The following HDAC8 variants were observed in gnomAD, a reference collection of about 807,000 sequenced individuals.
The protein encoded by HDAC8 is histone deacetylase 8, also known as histone deacetylase-like 1.
Under a neutral mutation model 32.2 loss-of-function variants are expected in HDAC8, and 1 was observed. The ratio of observed to expected loss-of-function variants is 0.03; its 90% CI spans 0.01 to 0.15. The LOEUF (loss-of-function observed/expected upper bound fraction) is 0.15, where lower values mean the gene tolerates loss of function less well. HDAC8 is among the 10% of genes least tolerant of loss of function. HDAC8 has a pLI of 1.00. For missense variants in HDAC8, 117 were observed against 300.0 expected (o/e 0.39, Z 4.51); for synonymous variants, 108 against 113.9 (o/e 0.95, Z 0.33).
At position 72,481,359 on chromosome X, in the gene HDAC8, G is replaced by A. The variant is rs932666810; in HGVS notation, c.737+7574C>T. Among the ~76,000 whole-genome samples the A allele has an allele frequency of 6.3e-5, 7 of 111,650 alleles. 1 individual carries two copies. The highest frequency in any genetic ancestry group is 2.3e-4 in the African/African-American group (7 of 30,682). On this transcript the variant is annotated intron_variant, in intron 7 of 10. Coordinates refer to ENST00000373573, the MANE Select transcript of HDAC8 (RefSeq NM_018486.3). ...TTACAATTCAAGATGAGATTTGGGT[G>A]GGGACACAAAGCTAGACCATATCAG...
At chrX:72,332,006 A>G (rs2043538944) in intron 10 of HDAC8, among the ~76,000 whole-genome samples, 1 of 112,520 alleles carries the variant, frequency 8.9e-6, no homozygotes, top group South Asian at 3.7e-4. Flanking sequence ...CATTTTGAGA[A>G]TGTTATAGAA....
chrX:72,462,806 C>T (rs1203595032), intron 8 of HDAC8, among the ~76,000 whole-genome samples: 1 of 111,547 alleles, frequency 9.0e-6, no homozygotes, highest in Non-Finnish European at 1.9e-5. Context: ...AGAACATTGG[C>T]CTTTAGCTAA....
chrX:72,402,070 G>A (rs1474503651), intron 9 of HDAC8, among the ~76,000 whole-genome samples: 1 of 111,335 alleles, frequency 9.0e-6, no homozygotes, highest in Admixed American at 9.6e-5. Context: ...TTTTCTTCTT[G>A]AGTCTTAAGT....
At chrX:72,348,015 C>T (rs1453129850) in intron 10 of HDAC8, among the ~76,000 whole-genome samples, 1 of 111,893 alleles carries the variant, frequency 8.9e-6, no homozygotes, top group Admixed American at 9.4e-5. Context: ...TTTGCCTGTC[C>T]CTTCAGTCAT....
chrX:72,461,979 G>C, intron 9 of HDAC8, 25 bp downstream of exon 9: 2 of 1,110,096 alleles, frequency 1.8e-6, no homozygotes, highest in East Asian at 3.0e-5. Context: ...TTAAAGAAGA[G>C]AGGACTTGTC....
intron 2 of HDAC8, among the ~76,000 whole-genome samples, chrX:72,569,582 G>A (rs1366116295): frequency 8.9e-6 from 1 of 112,467 alleles, no homozygotes; most frequent in Non-Finnish European, 1.9e-5. Context: ...CTGCCTCTGA[G>A]AGCGAGGCGA....
intron 3 of HDAC8, 121 bp downstream of exon 3, chrX:72,568,633 C>T: frequency 1.1e-6 from 1 of 882,352 alleles, no homozygotes; most frequent in Non-Finnish European, 1.6e-6. Context: ...TGTGGCTAAA[C>T]CAAAAGATTA....
chrX:72,473,679 A>G, intron 7 of HDAC8: 1 of 753,519 alleles, frequency 1.3e-6, no homozygotes, highest in Non-Finnish European at 1.6e-6. Context: ...TCCATGACTT[A>G]CTGAGCTCCT....
intron 4 of HDAC8, among the ~76,000 whole-genome samples, chrX:72,506,434 T>A (rs782585321): frequency 1.8e-5 from 2 of 111,338 alleles, no homozygotes; most frequent in Admixed American, 9.6e-5. Context: ...TGCAAAGAGA[T>A]CACATGGTGA....
At chrX:72,485,211 C>T (rs1297733462) in intron 7 of HDAC8, among the ~76,000 whole-genome samples, 1 of 111,846 alleles carries the variant, frequency 8.9e-6, no homozygotes, top group Non-Finnish European at 1.9e-5. Context: ...TTCCTTTATG[C>T]TGGTTAAAAC....
chrX:72,457,392 A>G (rs1347679823), intron 9 of HDAC8, among the ~76,000 whole-genome samples: 17 of 112,332 alleles, frequency 1.5e-4, no homozygotes, highest in African/African-American at 5.5e-4. Flanking sequence ...AATAAAAGAC[A>G]TGAAGATTAT....
chrX:72,393,546 C>T (rs782362846), intron 9 of HDAC8, among the ~76,000 whole-genome samples: 1 of 111,921 alleles, frequency 8.9e-6, no homozygotes, highest in East Asian at 2.8e-4. Flanking sequence ...CTCGCTACGT[C>T]CCTCAGTTGA....
chrX:72,481,626 C>A (rs2048509730), intron 7 of HDAC8, among the ~76,000 whole-genome samples: 1 of 107,842 alleles, frequency 9.3e-6, no homozygotes, highest in Non-Finnish European at 1.9e-5. Flanking sequence ...GTTGTTGAGA[C>A]AGAGTCTCAC....
At chrX:72,556,607 T>C (rs1038622787) in intron 4 of HDAC8, among the ~76,000 whole-genome samples, 1 of 111,533 alleles carries the variant, frequency 9.0e-6, no homozygotes, top group African/African-American at 3.3e-5. Flanking sequence ...TAGCTATTCT[T>C]ATATCAGACA....
intron 6 of HDAC8, among the ~76,000 whole-genome samples, chrX:72,490,002 A>G (rs2048809325): frequency 8.9e-6 from 1 of 111,945 alleles, no homozygotes; most frequent in Non-Finnish European, 1.9e-5. Flanking sequence ...ACATGAAAAA[A>G]CGCTCACCAT....
intron 10 of HDAC8, among the ~76,000 whole-genome samples, chrX:72,343,914 C>A (rs1430400374): frequency 3.5e-5 from 4 of 112,971 alleles, no homozygotes; most frequent in Non-Finnish European, 7.5e-5. Flanking sequence ...AGGGTGGTGT[C>A]AAAGAAGGCA....
At chrX:72,463,409 G>C (rs1036328323) in intron 8 of HDAC8, among the ~76,000 whole-genome samples, 3 of 111,447 alleles carry the variant, frequency 2.7e-5, no homozygotes, top group East Asian at 5.6e-4. Flanking sequence ...AAACAAAAAG[G>C]CTTTAGAGAA....
At chrX:72,432,742 G>A (rs1384296864) in intron 9 of HDAC8, among the ~76,000 whole-genome samples, 1 of 110,622 alleles carries the variant, frequency 9.0e-6, no homozygotes, top group South Asian at 3.9e-4. Context: ...TATGTTTTGC[G>A]TGTTTTTTAG....
At position 72,572,125 on chromosome X, in the gene HDAC8, TAA is replaced by T. The variant is rs3830710; in HGVS notation, c.112-18_112-17del. On this transcript the variant is annotated splice_polypyrimidine_tract_variant and intron_variant, in intron 1 of 10. Transcript: ENST00000373573. ...CCATACTGGCCTAAAAACATCAGCG[TAA>T]AAAAAAAAAAAGAAAAGCAGAAATA... The T allele has an allele frequency of 1.9e-3, 1,815 of 940,857 alleles. No homozygotes were observed. Among genetic ancestry groups the T allele is most frequent in the Admixed American group, 6.5e-3 (190 of 29,378 alleles). 77.5% of individuals were successfully genotyped at this position (940,857 alleles called of 1,213,427 possible). A position where few individuals can be genotyped will look rare whatever the true frequency, so the allele number is the denominator to read the frequency against.
Sources: gnomAD v4.1 joint callset for allele counts (sites outside exome capture counted in the v4.1 genomes callset) on GRCh38, gnomAD v4.1.1 for gene constraint, MANE v1.5 for transcripts, NCBI Gene and HGNC (gene_info 2026-07-23, HGNC 2026-07-21) for gene names.